NKAIN3: variants seen among roughly 807,000 people sequenced by gnomAD.
NKAIN3 encodes the protein sodium/potassium-transporting ATPase subunit beta-1-interacting protein 3.
Under a neutral mutation model 30.2 loss-of-function variants are expected in NKAIN3, and 25 were observed. That is an observed-to-expected ratio of 0.83 (90% CI 0.60 to 1.16). The LOEUF is 1.16. NKAIN3 is among the 50% of genes most tolerant of loss of function. The pLI, the probability that NKAIN3 is intolerant of heterozygous loss-of-function variation, is 0.00. For synonymous variants in NKAIN3, 91 were observed against 89.6 expected, an observed-to-expected ratio of 1.02 and a Z score of -0.09; for missense variants, 225 against 254.1, an observed-to-expected ratio of 0.89 and a Z score of 0.78.
intron 6 of NKAIN3, among the ~76,000 whole-genome samples, chr8:62,964,535 AGAGTGTGTGTGTGT>A (rs1434859849): frequency 1.0e-5 from 1 of 100,000 alleles, no homozygotes; most frequent in Non-Finnish European, 2.2e-5. Context: ...AGAGAGAGAG[AGAGTGTGTGTGTGT>A]GTGTGTGTGT....
At chr8:62,959,915 T>C (rs1823523915) in intron 6 of NKAIN3, among the ~76,000 whole-genome samples, 1 of 152,232 alleles carries the variant, frequency 6.6e-6, no homozygotes. Flanking sequence ...GGCTTCCTTG[T>C]GTGCCTGCCT....
In NKAIN3 at chr8:62,342,364, C is replaced by T. The variant is rs560161920; in HGVS notation, c.54+93237C>T. ...ATTGGCACTCAGAGCTGTGCAGAGT[C>T]CTGATGGAAATGTCTATATAGTCAC... On this transcript the variant is annotated intron_variant, in intron 1 of 6. Coordinates refer to ENST00000623646, the MANE Select transcript of NKAIN3 (RefSeq NM_001304533.3). 2.0e-5 allele frequency among the ~76,000 whole-genome samples: 3 copies of T among 151,996 alleles called. No homozygotes were observed. The East Asian group carries it at 5.8e-4, about 30-fold the overall frequency.
At chr8:62,667,684 T>C (rs555740777) in intron 3 of NKAIN3, among the ~76,000 whole-genome samples, 2 of 152,100 alleles carry the variant, frequency 1.3e-5, no homozygotes, top group South Asian at 2.1e-4. Flanking sequence ...CCTCACCACA[T>C]CCACAGTGAT....
chr8:62,395,361 G>A (rs1367890897), intron 1 of NKAIN3, among the ~76,000 whole-genome samples: 2 of 152,032 alleles, frequency 1.3e-5, no homozygotes, highest in African/African-American at 2.4e-5. Flanking sequence ...GACCGAGGGA[G>A]GTGGTGGTGG....
At chr8:62,999,118 C>A (rs1420668023) in intron 5 of NKAIN3, 1 of 152,004 alleles carries the variant, frequency 6.6e-6, no homozygotes, top group African/African-American at 2.4e-5. Flanking sequence ...GAATAGTAAT[C>A]CCTTATCAGA....
chr8:62,879,481 T>C (rs1211272566), intron 4 of NKAIN3, among the ~76,000 whole-genome samples: 2 of 152,194 alleles, frequency 1.3e-5, no homozygotes, highest in African/African-American at 4.8e-5. Context: ...ACTCTGATGG[T>C]GGTTTCTTTT....
intron 4 of NKAIN3, among the ~76,000 whole-genome samples, chr8:62,872,354 G>T (rs1192457938): frequency 6.6e-6 from 1 of 152,184 alleles, no homozygotes; most frequent in African/African-American, 2.4e-5. Flanking sequence ...CTGAAGTCTT[G>T]GGGAGTACTT....
intron 1 of NKAIN3, among the ~76,000 whole-genome samples, chr8:62,574,094 T>A (rs909924193): frequency 1.5e-4 from 23 of 152,298 alleles, no homozygotes; most frequent in African/African-American, 5.5e-4. Flanking sequence ...ATTGTTTTTA[T>A]GTTTAGCTCC....
chr8:62,608,323 C>A (rs1008502803), intron 3 of NKAIN3, among the ~76,000 whole-genome samples: 3 of 152,100 alleles, frequency 2.0e-5, no homozygotes, highest in African/African-American at 7.2e-5. Flanking sequence ...AAAAATTGAT[C>A]ATAAAAGCCA....
intron 4 of NKAIN3, among the ~76,000 whole-genome samples, chr8:62,779,140 T>G (rs542940493): frequency 2.0e-5 from 3 of 152,154 alleles, no homozygotes; most frequent in African/African-American, 7.2e-5. Flanking sequence ...GGAAGGAATC[T>G]CTTACAAAGC....
At chr8:62,262,140 C>A (rs1335036065) in intron 1 of NKAIN3, among the ~76,000 whole-genome samples, 2 of 152,060 alleles carry the variant, frequency 1.3e-5, no homozygotes, top group African/African-American at 4.8e-5. Context: ...AAATGTAATC[C>A]AGATGACTTG....
chr8:62,966,157 A>C lies in NKAIN3; in HGVS notation c.*750A>C. On this transcript the variant is annotated 3_prime_UTR_variant, in exon 7 of 7. Transcript: ENST00000623646. ...TTCTACTCATTATTCCATTCCTGAC[A>C]CTGCTGTCAGACCTAAACATACAGC... The C allele has an allele frequency of 1.0e-6, 1 of 985,276 alleles. No individual in the cohort carries two copies. The highest frequency in any genetic ancestry group is 1.2e-6 in the Non-Finnish European group (1 of 829,854). 61.0% of individuals were successfully genotyped at this position (985,276 alleles called of 1,614,324 possible).
At chr8:62,551,288 A>G (rs1296524241) in intron 1 of NKAIN3, among the ~76,000 whole-genome samples, 1 of 152,128 alleles carries the variant, frequency 6.6e-6, no homozygotes, top group Non-Finnish European at 1.5e-5. Flanking sequence ...CCTGTACTTC[A>G]TTCTTAGGAT....
At chr8:62,472,555 G>A (rs1459510835) in intron 1 of NKAIN3, among the ~76,000 whole-genome samples, 1 of 152,150 alleles carries the variant, frequency 6.6e-6, no homozygotes, top group Non-Finnish European at 1.5e-5. Context: ...GTAGGTCAGG[G>A]AGAGGAGACA....
intron 1 of NKAIN3, among the ~76,000 whole-genome samples, chr8:62,287,100 G>A (rs1440401145): frequency 1.3e-5 from 2 of 149,696 alleles, no homozygotes; most frequent in Admixed American, 6.6e-5. Context: ...GATTTTTGCA[G>A]ACCAAATCAG....
At chr8:62,618,385 A>G (rs2130216360) in intron 3 of NKAIN3, among the ~76,000 whole-genome samples, 1 of 152,272 alleles carries the variant, frequency 6.6e-6, no homozygotes, top group African/African-American at 2.4e-5. Flanking sequence ...AAACTTCATG[A>G]GTCGATCCAG....
intron 1 of NKAIN3, among the ~76,000 whole-genome samples, chr8:62,345,570 T>C (rs1694821506): frequency 6.8e-6 from 1 of 146,658 alleles, no homozygotes; most frequent in South Asian, 2.1e-4. Flanking sequence ...TACACATATA[T>C]ACACATATAT....
At chr8:62,670,449 G>A (rs758856585) in intron 3 of NKAIN3, among the ~76,000 whole-genome samples, 3 of 152,206 alleles carry the variant, frequency 2.0e-5, no homozygotes, top group South Asian at 2.1e-4. Flanking sequence ...CCGACACAAC[G>A]AAGAAAGCAG....
At chr8:62,538,604 A>G (rs550287181) in intron 1 of NKAIN3, among the ~76,000 whole-genome samples, 2 of 152,338 alleles carry the variant, frequency 1.3e-5, no homozygotes, top group South Asian at 4.1e-4. Context: ...CAGCCACATA[A>G]TCAATTCTTG....
Sources: allele counts gnomAD v4.1 joint callset (sites outside exome capture counted in the v4.1 genomes callset), GRCh38; gene constraint gnomAD v4.1.1; transcripts MANE v1.5; gene names NCBI Gene and HGNC (gene_info 2026-07-23, HGNC 2026-07-21).